DYNC2H1: variants seen among roughly 807,000 people sequenced by gnomAD.
DYNC2H1 encodes cytoplasmic dynein 2 heavy chain 1.
DYNC2H1 carries 410 observed loss-of-function variants against 570.0 expected under a neutral mutation model. The ratio of observed to expected loss-of-function variants is 0.72; its 90% CI spans 0.66 to 0.78. DYNC2H1 has a LOEUF of 0.78. Among genes scored for constraint, DYNC2H1 ranks in the 30% least tolerant of loss-of-function variants. The probability of loss-of-function intolerance (pLI) is 0.00; values close to 1 mark genes in which losing one functional copy is unlikely to be tolerated. For missense variants in DYNC2H1, 4,865 were observed against 5,046.4 expected, an observed-to-expected ratio of 0.96 and a Z score of 1.09; for synonymous variants, 1,688 against 1,677.6, an observed-to-expected ratio of 1.01 and a Z score of -0.15.
chr11:103,397,324 C>T (rs570216962), intron 83 of DYNC2H1, among the ~76,000 whole-genome samples: 1 of 151,918 alleles, frequency 6.6e-6, no homozygotes, highest in African/African-American at 2.4e-5. Flanking sequence ...AAAAAAAACC[C>T]TAGTAATCAA....
At position 103,252,209 on chromosome 11, in the gene DYNC2H1, A is replaced by G. The variant is rs1211698154; in HGVS notation, c.10043-1076A>G. On this transcript the variant is annotated intron_variant, in intron 65 of 88. Transcript: ENST00000375735. This position sits in a 1 kb window ranked among gnomAD's most constrained non-coding sequence, Gnocchi z 4.6. ...CTCAACCTCCCAAAATGATGCGATT[A>G]CAGGCATAAGCAGCCGTGCCTGACC... 1.3e-5 allele frequency among the ~76,000 whole-genome samples: 2 copies of G among 151,722 alleles called. No homozygotes were observed. The highest frequency in any genetic ancestry group is 1.3e-4 in the Admixed American group (2 of 15,208).
intron 63 of DYNC2H1, among the ~76,000 whole-genome samples, chr11:103,238,375 C>G (rs1864301632): frequency 6.6e-6 from 1 of 152,036 alleles, no homozygotes; most frequent in Non-Finnish European, 1.5e-5. Flanking sequence ...TTGAGACCAG[C>G]CTGACCAACA....
At chr11:103,367,653 T>A (rs1940968978) in intron 83 of DYNC2H1, among the ~76,000 whole-genome samples, 1 of 152,142 alleles carries the variant, frequency 6.6e-6, no homozygotes, top group Non-Finnish European at 1.5e-5. Flanking sequence ...ACCCTATAGC[T>A]GTAGGGTACT....
rs1386296114 is a variant in DYNC2H1, at chr11:103,239,819, A to T, written c.9819+3280A>T. On this transcript the variant is annotated intron_variant, in intron 63 of 88. Transcript: ENST00000375735. This position sits in a 1 kb window ranked among gnomAD's most constrained non-coding sequence, Gnocchi z 4.3. ...TAGACATAACATTATAGGGTGTACT[A>T]GGTGTTTTAAAAATTATCTCTTTCA... Among the ~76,000 whole-genome samples the T allele has an allele frequency of 6.6e-6, 1 of 152,178 alleles. No individual in the cohort carries two copies. Among genetic ancestry groups the T allele is most frequent in the African/African-American group, 2.4e-5 (1 of 41,440 alleles).
chr11:103,202,962 A>C (rs1862783223), intron 50 of DYNC2H1, among the ~76,000 whole-genome samples: 1 of 152,106 alleles, frequency 6.6e-6, no homozygotes, highest in Non-Finnish European at 1.5e-5. Flanking sequence ...TTTGGCCTGC[A>C]TAGTAGCAGG....
At chr11:103,308,327 G>A (rs4754909) in intron 78 of DYNC2H1, among the ~76,000 whole-genome samples, 26,308 of 152,110 alleles carry the variant, frequency 0.17, 2,465 homozygotes, top group Admixed American at 0.26. Flanking sequence ...GTTTTAGCAT[G>A]TGGCAGGATT....
chr11:103,197,879 G>A, intron 47 of DYNC2H1, 54 bp from the exon 48 acceptor site: 2 of 1,519,676 alleles, frequency 1.3e-6, no homozygotes, highest in Non-Finnish European at 1.8e-6. Flanking sequence ...TGTATTTGTT[G>A]AACTCTCATT....
rs768970248 is a variant in DYNC2H1 at position 103,200,182 on chromosome 11, A to G, written c.8197+28A>G. The stretch of plus-strand genomic sequence containing the variant: ...AAGTGAACAGTTTCTTTTCGAAGAA[A>G]ATAAAAATAATGGCATAAAAATTAT... On this transcript the variant is annotated intron_variant, in intron 50 of 88. Coordinates refer to ENST00000375735, the MANE Select transcript of DYNC2H1 (RefSeq NM_001377.3). 5 of 1,398,826 alleles carry G rather than the reference A, an allele frequency of 3.6e-6. No homozygotes were observed. In the African/African-American group the frequency reaches 7.4e-5, roughly 21 times the overall value. The allele number at this position is 1,398,826 out of a possible 1,614,324, so 86.7% of individuals were successfully genotyped here.
At chr11:103,455,145 AGT>A in intron 85 of DYNC2H1, 39 bp from the exon 86 acceptor site, 10 of 1,440,020 alleles carry the variant, frequency 6.9e-6, no homozygotes, top group South Asian at 1.2e-5. Flanking sequence ...TTGACTTATA[AGT>A]GTGTGTGTAT....
At chr11:103,285,937 G>A (rs1193482723) in intron 73 of DYNC2H1, among the ~76,000 whole-genome samples, 1 of 152,160 alleles carries the variant, frequency 6.6e-6, no homozygotes, top group Non-Finnish European at 1.5e-5. Context: ...CTTAAAATTT[G>A]CACTTGATCT....
chr11:103,397,239 G>A (rs1185892364), intron 83 of DYNC2H1, among the ~76,000 whole-genome samples: 1 of 151,996 alleles, frequency 6.6e-6, no homozygotes, highest in Non-Finnish European at 1.5e-5. Context: ...GCTTTTTAAG[G>A]ACAAGATGAA....
chr11:103,153,858 G>A (rs941232880), intron 22 of DYNC2H1, among the ~76,000 whole-genome samples: 23 of 151,706 alleles, frequency 1.5e-4, no homozygotes, highest in South Asian at 1.5e-3. Flanking sequence ...AATAAATCTA[G>A]CATAATAAGT....
chr11:103,452,606 T>C (rs1331270514), intron 85 of DYNC2H1, among the ~76,000 whole-genome samples: 4 of 144,724 alleles, frequency 2.8e-5, no homozygotes, highest in African/African-American at 1.0e-4. Context: ...TATGTAAAAA[T>C]GATACCTGCT....
chr11:103,114,304 A>G, intron 3 of DYNC2H1, 66 bp downstream of exon 3: 1 of 1,410,278 alleles, frequency 7.1e-7, no homozygotes, highest in Non-Finnish European at 9.4e-7. Context: ...TTAGTAAATG[A>G]ACATATTTCT....
Position 103,115,387 on chromosome 11 carries a change from C to A in DYNC2H1, c.621+92C>A, listed in dbSNP as rs752637620. ...AGCCTCTCTTCTGTTTTAAAATGTA[C>A]TTGATGATTGTGAACAAAATAGATT... On this transcript the variant is annotated intron_variant, in intron 4 of 88. Transcript: ENST00000375735. The A allele has an allele frequency of 1.2e-5, 9 of 759,156 alleles. No individual in the cohort carries two copies. The Admixed American group carries it at 2.1e-4, about 18-fold the overall frequency. 47.0% of individuals were successfully genotyped at this position (759,156 alleles called of 1,614,324 possible).
chr11:103,461,144 C>T lies in DYNC2H1; in HGVS notation c.12648+4788C>T, dbSNP rs1443988581. On this transcript the variant is annotated intron_variant, in intron 87 of 88. Transcript: ENST00000375735. This position sits in a 1 kb window ranked among gnomAD's most constrained non-coding sequence, Gnocchi z 4.8. ...CCAATAATGTTACCAGGGAAGAAGT[C>T]TTTGTAAGGCTTTCACTGTTAGCAC... is the stretch of plus-strand genomic sequence containing the variant. 6.6e-6 allele frequency among the ~76,000 whole-genome samples: 1 copy of T among 152,142 alleles called. No homozygotes were observed. Among genetic ancestry groups the T allele is most frequent in the Admixed American group, 6.6e-5 (1 of 15,264 alleles).
chr11:103,411,611 A>AAGAT (rs1160865472), intron 84 of DYNC2H1, among the ~76,000 whole-genome samples: 2 of 152,096 alleles, frequency 1.3e-5, no homozygotes, highest in Admixed American at 1.3e-4. Flanking sequence ...ATTATGTTGA[A>AAGAT]AGATAAAGAA....
chr11:103,139,859 TG>T (rs1859804614), intron 17 of DYNC2H1, among the ~76,000 whole-genome samples: 1 of 152,304 alleles, frequency 6.6e-6, no homozygotes, highest in African/African-American at 2.4e-5. Flanking sequence ...TAAGTCTCTT[TG>T]TAGGTCACTC....
Position 103,113,616 on chromosome 11 carries a change from A to G in DYNC2H1, c.275A>G (p.His92Arg). ...RPEVITDENL[H>R]DNILVSSMLE... is the part of the protein sequence containing the mutation. The stretch of plus-strand genomic sequence containing the variant: ...GAAGTAATTACTGATGAGAATCTAC[A>G]TGATAACATTCTTGTTTCATCTATG... The change falls in exon 2 of 89, where the codon CAT becomes CGT. Residue 92 changes from histidine (H) to arginine (R), a missense_variant. By Grantham distance (29) the His-to-Arg change is conservative. Coordinates refer to ENST00000375735, the MANE Select transcript of DYNC2H1 (RefSeq NM_001377.3). 6.3e-7 allele frequency: 1 copy of G among 1,575,550 alleles called. No individual in the cohort carries two copies. Among genetic ancestry groups the G allele is most frequent in the Non-Finnish European group, 8.6e-7 (1 of 1,166,382 alleles).
Sources: allele counts gnomAD v4.1 joint callset (sites outside exome capture counted in the v4.1 genomes callset), GRCh38; gene constraint gnomAD v4.1.1; non-coding constraint Gnocchi (gnomAD v3.1); transcripts MANE v1.5; gene names NCBI Gene and HGNC (gene_info 2026-07-23, HGNC 2026-07-21).